The following GLYR1 variants were observed in gnomAD, a reference collection of about 807,000 sequenced individuals.
The protein encoded by GLYR1 is glyoxylate reductase 1 homolog.
In GLYR1, 21 loss-of-function variants were observed where a neutral mutation model predicts 72.7. The ratio of observed to expected loss-of-function variants is 0.29; its 90% CI spans 0.20 to 0.42. The LOEUF (loss-of-function observed/expected upper bound fraction) is 0.42, where lower values mean the gene tolerates loss of function less well. Among genes scored for constraint, GLYR1 ranks in the 10% least tolerant of loss-of-function variants. The pLI, the probability that GLYR1 is intolerant of heterozygous loss-of-function variation, is 1.00. For synonymous variants in GLYR1, 392 were observed against 270.2 expected (o/e 1.45, Z -4.42); for missense variants, 594 against 712.1 (o/e 0.83, Z 1.89).
At position 4,846,814 on chromosome 16, in the gene GLYR1, C is replaced by G; in HGVS notation, c.38+414G>C. On this transcript the variant is annotated intron_variant, in intron 1 of 15. Transcript: ENST00000321919. The stretch of plus-strand genomic sequence containing the variant: ...AGCCGGCCGCACAGGTCGGCTGCAT[C>G]GCAACCTGGGCTTTGACCGAATGGC... 1.1e-5 allele frequency: 3 copies of G among 272,284 alleles called. No homozygotes were observed. In the South Asian group the frequency reaches 1.2e-4, roughly 11 times the overall value. The allele number at this position is 272,284 out of a possible 1,614,324, so 16.9% of individuals were successfully genotyped here.
At chr16:4,824,552 C>T (rs959704258) in intron 5 of GLYR1, among the ~76,000 whole-genome samples, 3 of 151,346 alleles carry the variant, frequency 2.0e-5, no homozygotes, top group African/African-American at 7.3e-5. Context: ...AGAAGGAATC[C>T]GCCATATTTC....
chr16:4,818,282 C>T (rs538719214), intron 9 of GLYR1, among the ~76,000 whole-genome samples: 5 of 151,850 alleles, frequency 3.3e-5, no homozygotes, highest in Non-Finnish European at 5.9e-5. Flanking sequence ...CGTGAGCCAC[C>T]ATGCCCGGCC....
intron 3 of GLYR1, among the ~76,000 whole-genome samples, chr16:4,844,113 CAAAA>C (rs1190119741): frequency 1.4e-5 from 1 of 69,206 alleles, no homozygotes. Flanking sequence ...AACTCCATCT[CAAAA>C]AAAAAAAAAA....
intron 3 of GLYR1, among the ~76,000 whole-genome samples, chr16:4,838,736 G>C (rs1041038692): frequency 6.6e-6 from 1 of 151,936 alleles, no homozygotes; most frequent in Non-Finnish European, 1.5e-5. Flanking sequence ...ACAGGTGCCC[G>C]CCACCACGCC....
At chr16:4,821,831 A>T (rs1177098991) in intron 7 of GLYR1, among the ~76,000 whole-genome samples, 1 of 152,228 alleles carries the variant, frequency 6.6e-6, no homozygotes, top group Non-Finnish European at 1.5e-5. Flanking sequence ...AAGAGTCATA[A>T]GCTTGGAACC....
chr16:4,842,263 CA>C (rs374042521), intron 3 of GLYR1, among the ~76,000 whole-genome samples: 12,731 of 149,276 alleles, frequency 0.085, 551 homozygotes, highest in African/African-American at 0.11. Context: ...AAAACAACAA[CA>C]AAAAAAAACA....
chr16:4,810,777 C>G (rs2083282703), intron 15 of GLYR1, among the ~76,000 whole-genome samples: 1 of 137,234 alleles, frequency 7.3e-6, no homozygotes, highest in African/African-American at 2.8e-5. Context: ...CAGAGCAAGA[C>G]TCTGTCTCAA....
At chr16:4,846,042 A>T in intron 2 of GLYR1, 132 bp downstream of exon 2, 1 of 910,470 alleles carries the variant, frequency 1.1e-6, no homozygotes, top group South Asian at 1.3e-5. Flanking sequence ...ATACTAGGGG[A>T]AAAAAAATTC....
At chr16:4,818,900 C>A (rs1253172285) in intron 9 of GLYR1, among the ~76,000 whole-genome samples, 3 of 152,170 alleles carry the variant, frequency 2.0e-5, no homozygotes, top group Non-Finnish European at 4.4e-5. Flanking sequence ...CAGGTCCTTC[C>A]CAATCCTTGT....
Position 4,845,159 on chromosome 16 carries a change from G to A in GLYR1, c.76-6C>T. 6 of 1,611,486 alleles carry A rather than the reference G, an allele frequency of 3.7e-6. No homozygotes were observed. The highest frequency in any genetic ancestry group is 5.1e-6 in the Non-Finnish European group (6 of 1,177,646). ...TCCTTTGGTGGATTAACAATCTGGA[G>A]GATAAAAGGGGGGAAAAAGGTTGGC... On this transcript the variant is annotated splice_region_variant and splice_polypyrimidine_tract_variant and intron_variant, in intron 2 of 15. Coordinates refer to ENST00000321919, the MANE Select transcript of GLYR1 (RefSeq NM_032569.4).
chr16:4,831,868 T>A, intron 5 of GLYR1, 111 bp downstream of exon 5: 1 of 1,435,480 alleles, frequency 7.0e-7, no homozygotes. Context: ...CTGCTCCCAC[T>A]CCATGAGCAG....
In GLYR1 at chr16:4,847,224, T is replaced by G; in HGVS notation, c.38+4A>C. 1 of 1,605,584 alleles carries G rather than the reference T, an allele frequency of 6.2e-7. No individual in the cohort carries two copies. Among genetic ancestry groups the G allele is most frequent in the East Asian group, 2.3e-5 (1 of 44,430 alleles). ...TCTCGGTTGGCCCGGCCGCTCGGAC[T>G]CACCACACCAAGTCGCCGAGCCGCA... On this transcript the variant is annotated splice_donor_region_variant and intron_variant, in intron 1 of 15. Coordinates refer to ENST00000321919, the MANE Select transcript of GLYR1 (RefSeq NM_032569.4).
intron 3 of GLYR1, among the ~76,000 whole-genome samples, chr16:4,835,548 TG>T (rs1359015101): frequency 1.3e-5 from 2 of 152,160 alleles, no homozygotes; most frequent in African/African-American, 2.4e-5. Flanking sequence ...AAAACCAGCT[TG>T]GCTGGGCACG....
At chr16:4,832,948 T>C (rs1201071820) in intron 3 of GLYR1, 36 bp from the exon 4 acceptor site, 15 of 1,580,116 alleles carry the variant, frequency 9.5e-6, no homozygotes, top group Middle Eastern at 1.7e-4. Flanking sequence ...GTGTGAACCA[T>C]ATAGCATATG....
rs117014029 is a variant in GLYR1, at chr16:4,823,552, C to T, written c.624+269G>A. 3.1e-3 allele frequency among the ~76,000 whole-genome samples: 466 copies of T among 151,774 alleles called. 4 individuals carry two copies. Among genetic ancestry groups the T allele is most frequent in the Non-Finnish European group, 5.0e-3 (340 of 67,908 alleles). On this transcript the variant is annotated intron_variant, in intron 6 of 15. Coordinates refer to ENST00000321919, the MANE Select transcript of GLYR1 (RefSeq NM_032569.4). Reference sequence around the variant, plus strand: ...CCACTTTTGTGAAAAAGAACCCTGCCCAAAATAAAAAAAACTAGACATAGG... The same window carrying T: ...CCACTTTTGTGAAAAAGAACCCTGCTCAAAATAAAAAAAACTAGACATAGG...
chr16:4,836,356 C>A (rs17137309), intron 3 of GLYR1, among the ~76,000 whole-genome samples: 3,238 of 152,258 alleles, frequency 0.021, 109 homozygotes, highest in African/African-American at 0.073. Flanking sequence ...GTGACTGTTT[C>A]TTTCCTTGAT....
Position 4,835,058 on chromosome 16 carries a change from T to G in GLYR1, c.156-2146A>C, listed in dbSNP as rs1202119290. On this transcript the variant is annotated intron_variant, in intron 3 of 15. Transcript: ENST00000321919. ...TAAGGAGTCGTGACCAGCCAGTTCT[T>G]CCTAGGAGCTTCTGGTCAGAAGCTG... 2.6e-5 allele frequency among the ~76,000 whole-genome samples: 4 copies of G among 152,234 alleles called. No individual in the cohort carries two copies. In the East Asian group the frequency reaches 7.7e-4, roughly 29 times the overall value.
At chr16:4,846,341 G>C in intron 1 of GLYR1, 131 bp from the exon 2 acceptor site, 1 of 999,078 alleles carries the variant, frequency 1.0e-6, no homozygotes, top group Non-Finnish European at 1.6e-6. Context: ...AGCTTTCATA[G>C]CTGGGCCCAA....
At chr16:4,810,311 A>G (rs1047058045) in intron 15 of GLYR1, among the ~76,000 whole-genome samples, 2 of 151,984 alleles carry the variant, frequency 1.3e-5, no homozygotes, top group Non-Finnish European at 2.9e-5. Context: ...AGCCTAGCCA[A>G]CATGGCAAAA....
Sources: allele counts gnomAD v4.1 joint callset (sites outside exome capture counted in the v4.1 genomes callset), GRCh38; gene constraint gnomAD v4.1.1; transcripts MANE v1.5; gene names NCBI Gene and HGNC (gene_info 2026-07-23, HGNC 2026-07-21).